PDE4D: variants seen among roughly 807,000 people sequenced by gnomAD.
PDE4D encodes the protein 3',5'-cyclic-AMP phosphodiesterase 4D.
A neutral mutation model predicts 87.4 loss-of-function variants in PDE4D; 24 were observed. The ratio of observed to expected loss-of-function variants is 0.27; its 90% confidence interval spans 0.20 to 0.39. PDE4D has a LOEUF of 0.39. Ranked by LOEUF, PDE4D falls within the 10% of genes least tolerant of loss-of-function variation. The pLI is 1.00. For synonymous variants in PDE4D, 384 were observed against 383.2 expected (o/e 1.00, Z -0.02); for missense variants, 714 against 1,041.0 (o/e 0.69, Z 4.32).
At chr5:59,301,410 A>G (rs1770226598) in intron 1 of PDE4D, among the ~76,000 whole-genome samples, 1 of 152,160 alleles carries the variant, frequency 6.6e-6, no homozygotes, top group South Asian at 2.1e-4. Context: ...TAAAAGCCAG[A>G]TATGTCCAAA....
chr5:60,383,116 T>C (rs1313623778), intron 1 of PDE4D, among the ~76,000 whole-genome samples: 2 of 152,184 alleles, frequency 1.3e-5, no homozygotes, highest in Non-Finnish European at 2.9e-5. Flanking sequence ...TATTTACATG[T>C]GTCATGTTTA....
intron 2 of PDE4D, among the ~76,000 whole-genome samples, chr5:60,040,389 G>C (rs1481661223): frequency 6.6e-6 from 1 of 152,126 alleles, no homozygotes; most frequent in Non-Finnish European, 1.5e-5. Flanking sequence ...TTGAATAAAA[G>C]GTAAATGCTG....
chr5:60,206,813 A>C (rs1429462456), intron 1 of PDE4D, among the ~76,000 whole-genome samples: 1 of 152,220 alleles, frequency 6.6e-6, no homozygotes, highest in Non-Finnish European at 1.5e-5. Context: ...TCTACTCTAC[A>C]AAGTATAGGC....
At chr5:59,773,914 T>C (rs1232341608) in intron 1 of PDE4D, among the ~76,000 whole-genome samples, 4 of 151,908 alleles carry the variant, frequency 2.6e-5, no homozygotes, top group Non-Finnish European at 4.4e-5. Context: ...ACAAAGAAAA[T>C]AAATACTAAG....
At chr5:59,675,991 C>CA (rs1021308116) in intron 1 of PDE4D, among the ~76,000 whole-genome samples, 1 of 151,852 alleles carries the variant, frequency 6.6e-6, no homozygotes, top group Non-Finnish European at 1.5e-5. Flanking sequence ...CACACTCAAC[C>CA]AAAAAATATA....
In PDE4D at chr5:59,170,184, A is replaced by C. The variant is rs1422367996; in HGVS notation, c.808+10411T>G. ...AGGTGTGCACCACCATGTCTAGCTA[A>C]TTTTTAAAATTTTTTGTAGAGATGG... On this transcript the variant is annotated intron_variant, in intron 5 of 14. Transcript: ENST00000340635. Among the ~76,000 whole-genome samples, 7 of 152,250 alleles carry C rather than the reference A, an allele frequency of 4.6e-5. No individual in the cohort carries two copies. The East Asian group carries it at 7.7e-4, about 17-fold the overall frequency.
chr5:59,789,757 C>T (rs1412282442), intron 1 of PDE4D, among the ~76,000 whole-genome samples: 1 of 152,184 alleles, frequency 6.6e-6, no homozygotes, highest in Non-Finnish European at 1.5e-5. Flanking sequence ...TCTTTACTTG[C>T]TCCTTCAGGG....
intron 5 of PDE4D, chr5:59,174,454 T>G (rs1474823117): frequency 6.5e-6 from 1 of 152,682 alleles, no homozygotes. Context: ...AGCAGGCAGC[T>G]GTACTAGTTT....
intron 1 of PDE4D, among the ~76,000 whole-genome samples, chr5:59,293,764 T>C (rs971375504): frequency 1.3e-5 from 2 of 152,086 alleles, no homozygotes; most frequent in African/African-American, 2.4e-5. Flanking sequence ...CGTGTGCAGG[T>C]AGGTAGGCCA....
intron 5 of PDE4D, chr5:59,091,234 TCTG>T: frequency 2.4e-6 from 1 of 412,072 alleles, no homozygotes; most frequent in South Asian, 1.8e-5. Context: ...TTTCTGCTTA[TCTG>T]CTGAAGTTAA....
chr5:59,158,188 T>G (rs1415228874), intron 5 of PDE4D, among the ~76,000 whole-genome samples: 1 of 152,232 alleles, frequency 6.6e-6, no homozygotes, highest in Non-Finnish European at 1.5e-5. Flanking sequence ...ACGATTGCCT[T>G]CTGATCATTT....
At chr5:59,091,200 C>T (rs1768665523) in intron 5 of PDE4D, 1 of 441,534 alleles carries the variant, frequency 2.3e-6, no homozygotes. Flanking sequence ...TTCTCATTAC[C>T]TTCTCAACCA....
chr5:59,079,567 T>C (rs1407859607), intron 5 of PDE4D, among the ~76,000 whole-genome samples: 6 of 152,006 alleles, frequency 3.9e-5, no homozygotes, highest in Admixed American at 3.9e-4. Flanking sequence ...GGCTCATGCC[T>C]GTAATCCCTA....
rs559971039 is a variant in PDE4D, at chr5:60,277,770, A to G, written c.-89-92083T>C. Among the ~76,000 whole-genome samples, 3 of 152,268 alleles carry G rather than the reference A, an allele frequency of 2.0e-5. No individual in the cohort carries two copies. The East Asian group carries it at 5.8e-4, about 29-fold the overall frequency. ...TTTTTTAGTAGCTGCTCTAGGTATT[A>G]CATCATATTTGTTTAATGTATCAAA... On this transcript the variant is annotated intron_variant, in intron 1 of 16. Coordinates refer to the PDE4D transcript ENST00000502484.
chr5:59,883,519 A>T (rs1236397203), intron 1 of PDE4D, among the ~76,000 whole-genome samples: 3 of 152,240 alleles, frequency 2.0e-5, no homozygotes. Flanking sequence ...GTGTAGTTTT[A>T]TAAGAATCAG....
Position 59,383,914 on chromosome 5 carries a change from G to T in PDE4D, c.456-167946C>A, listed in dbSNP as rs1012230836. Among the ~76,000 whole-genome samples, 4 of 152,056 alleles carry T rather than the reference G, an allele frequency of 2.6e-5. No homozygotes were observed. The South Asian group carries it at 6.2e-4, about 24-fold the overall frequency. The stretch of plus-strand genomic sequence containing the variant: ...GTTTTTGTATTTGTTTTGAGATAGG[G>T]TCTCCCTCTGTCACCCAAACTGAAG... On this transcript the variant is annotated intron_variant, in intron 1 of 14. Coordinates refer to ENST00000340635, the MANE Select transcript of PDE4D (RefSeq NM_001104631.2).
At chr5:59,953,044 C>T (rs1049636300) in intron 3 of PDE4D, among the ~76,000 whole-genome samples, 3 of 151,946 alleles carry the variant, frequency 2.0e-5, no homozygotes, top group Non-Finnish European at 4.4e-5. Context: ...ACTCCATGAC[C>T]GTATATTACT....
intron 1 of PDE4D, among the ~76,000 whole-genome samples, chr5:59,873,197 T>C (rs1161977209): frequency 6.6e-6 from 1 of 152,246 alleles, no homozygotes; most frequent in Non-Finnish European, 1.5e-5. Flanking sequence ...GGAAAAATTC[T>C]GAAAATTTAA....
chr5:60,174,592 T>A (rs1783757020), intron 2 of PDE4D, among the ~76,000 whole-genome samples: 1 of 152,074 alleles, frequency 6.6e-6, no homozygotes, highest in Non-Finnish European at 1.5e-5. Context: ...TGCATATTAC[T>A]TTGGGGACAT....
Sources: gnomAD v4.1 joint callset for allele counts (sites outside exome capture counted in the v4.1 genomes callset) on GRCh38, gnomAD v4.1.1 for gene constraint, MANE v1.5 for transcripts, NCBI Gene and HGNC (gene_info 2026-07-23, HGNC 2026-07-21) for gene names.